ZNF324: variants seen among roughly 807,000 people sequenced by gnomAD.
The protein encoded by ZNF324 is zinc finger protein 324A.
A neutral mutation model predicts 10.3 loss-of-function variants in ZNF324; 3 were observed. The ratio of observed to expected loss-of-function variants is 0.29; its 90% CI spans 0.13 to 0.75. The LOEUF is 0.75. Ranked by LOEUF, ZNF324 falls within the 30% of genes least tolerant of loss-of-function variation. ZNF324 has a pLI of 0.69. For synonymous variants in ZNF324, 430 were observed against 339.5 expected (o/e 1.27, Z -2.93); for missense variants, 763 against 784.4 (o/e 0.97, Z 0.33).
rs1313986943 is a variant in ZNF324, at chr19:58,472,430, A to C, written c.*276A>C. The C allele has an allele frequency of 2.0e-6, 1 of 490,608 alleles. No individual in the cohort carries two copies. The allele number at this position is 490,608 out of a possible 1,614,324, so 30.4% of individuals were successfully genotyped here. A position where few individuals can be genotyped will look rare whatever the true frequency, so the allele number is the denominator to read the frequency against. ...GCCGAGACTATTCAGAGCCAGTAGG[A>C]GGCCGACAGTCACAGCACTGCACTG... On this transcript the variant is annotated 3_prime_UTR_variant, in exon 4 of 4. Coordinates refer to ENST00000196482, the MANE Select transcript of ZNF324 (RefSeq NM_014347.3).
rs139655493 is a variant in ZNF324 at position 58,472,462 on chromosome 19, G to A, written c.*308G>A. The A allele has an allele frequency of 3.7e-3, 1,430 of 383,214 alleles. 7 individuals carry two copies. The highest frequency in any genetic ancestry group is 5.7e-3 in the Non-Finnish European group (1,212 of 212,076). The allele number at this position is 383,214 out of a possible 1,614,324, so 23.7% of individuals were successfully genotyped here. A position where few individuals can be genotyped will look rare whatever the true frequency, so the allele number is the denominator to read the frequency against. On this transcript the variant is annotated 3_prime_UTR_variant, in exon 4 of 4. Coordinates refer to ENST00000196482, the MANE Select transcript of ZNF324 (RefSeq NM_014347.3). ...CAGTCACAGCACTGCACTGTGGTGC[G>A]GCTTCATGTGATATGACAGTGGATG...
At chr19:58,470,691 A>G (rs2053021470) in intron 3 of ZNF324, 40 bp from the exon 4 acceptor site, 1 of 1,612,836 alleles carries the variant, frequency 6.2e-7, no homozygotes, top group African/African-American at 1.3e-5. Context: ...TCCTCTCCTA[A>G]CCAGGATGCC....
At chr19:58,470,682 C>A in intron 3 of ZNF324, 49 bp from the exon 4 acceptor site, 1 of 1,611,108 alleles carries the variant, frequency 6.2e-7, no homozygotes. Context: ...CTGCCCTGGT[C>A]CTCTCCTAAC....
chr19:58,470,615 C>T lies in ZNF324; in HGVS notation c.239-116C>T, dbSNP rs1205735415. 3.0e-6 allele frequency: 4 copies of T among 1,346,958 alleles called. No homozygotes were observed. The East Asian group carries it at 9.2e-5, about 31-fold the overall frequency. The allele number at this position is 1,346,958 out of a possible 1,614,324, so 83.4% of individuals were successfully genotyped here. Reference sequence around the variant, plus strand: ...TCCTGCAGGGCCAGCCTCACCTCTACTTTTCCCCTAAGCTTTTGTGCCAGC... The same window carrying T: ...TCCTGCAGGGCCAGCCTCACCTCTATTTTTCCCCTAAGCTTTTGTGCCAGC... On this transcript the variant is annotated intron_variant, in intron 3 of 3. Coordinates refer to ENST00000196482, the MANE Select transcript of ZNF324 (RefSeq NM_014347.3).
At chr19:58,470,046 A>T (rs1046404869) in intron 3 of ZNF324, among the ~76,000 whole-genome samples, 1 of 151,418 alleles carries the variant, frequency 6.6e-6, no homozygotes, top group Non-Finnish European at 1.5e-5. Flanking sequence ...CGGGGTTGAC[A>T]CAGAAGGGCA....
rs1422169419 is a variant in ZNF324, at chr19:58,472,716, G to A, written c.*562G>A. ...GCCGCCACCTCTGGGAAAGAGAAAA[G>A]GTTTGGGTCCACTGAACATCATGTT... On this transcript the variant is annotated 3_prime_UTR_variant, in exon 4 of 4. Transcript: ENST00000196482. 2 of 153,370 alleles carry A rather than the reference G, an allele frequency of 1.3e-5. No individual in the cohort carries two copies. The highest frequency in any genetic ancestry group is 4.8e-5 in the African/African-American group (2 of 41,490). The allele number at this position is 153,370 out of a possible 1,614,324, so 9.5% of individuals were successfully genotyped here. A position where few individuals can be genotyped will look rare whatever the true frequency, so the allele number is the denominator to read the frequency against.
chr19:58,468,237 A>G (rs1326558243), intron 1 of ZNF324: 22 of 985,282 alleles, frequency 2.2e-5, no homozygotes, highest in Non-Finnish European at 2.7e-5. Flanking sequence ...GGCTGTGGAC[A>G]GGGCCTATGA....
Position 58,471,897 on chromosome 19 carries a change from C to G in ZNF324, c.1405C>G (p.Leu469Val), listed in dbSNP as rs773332765. The G allele has an allele frequency of 6.2e-7, 1 of 1,610,996 alleles. No homozygotes were observed. The highest frequency in any genetic ancestry group is 1.7e-5 in the Admixed American group (1 of 59,944). The change falls in exon 4 of 4, where the codon CTC (leucine) becomes GTC (valine). Residue 469 changes from leucine (L) to valine (V), a missense_variant. Transcript: ENST00000196482. ...GGCCTTCGCCAAGGGCGCCGTGCTGCTCAGCCACCGGCGCATTCACACGGG... is the reference window on the plus strand; with the variant it reads ...GGCCTTCGCCAAGGGCGCCGTGCTGGTCAGCCACCGGCGCATTCACACGGG... ...GKAFAKGAVL[L>V]SHRRIHTGEK...
chr19:58,468,281 G>C (rs1490627448), intron 1 of ZNF324: 2 of 980,680 alleles, frequency 2.0e-6, no homozygotes, highest in Non-Finnish European at 2.4e-6. Flanking sequence ...ACTCAGCCAG[G>C]TGTGGGCAGT....
rs1644922156 is a variant in ZNF324, at chr19:58,471,592, G to A, written c.1100G>A (p.Arg367His). The change falls in exon 4 of 4, where the codon CGT becomes CAT. Residue 367 changes from arginine (R) to histidine (H), a missense_variant. Around this residue, in one of 3 missense-constraint regions of ZNF324, gnomAD observed 153 missense variants for 269.0 expected, o/e 0.57. Transcript: ENST00000196482. ...SQHRKIHAGG[R>H]PYACAQCGRR... Reference sequence around the variant, plus strand: ...CACCGCAAGATCCACGCGGGTGGGCGTCCTTATGCTTGCGCACAGTGTGGC... The same window carrying A: ...CACCGCAAGATCCACGCGGGTGGGCATCCTTATGCTTGCGCACAGTGTGGC... 2 of 1,597,200 alleles carry A rather than the reference G, an allele frequency of 1.3e-6. No individual in the cohort carries two copies. Among genetic ancestry groups the A allele is most frequent in the Non-Finnish European group, 1.7e-6 (2 of 1,171,454 alleles).
intron 1 of ZNF324, chr19:58,467,691 G>A (rs2052994319): frequency 6.6e-6 from 1 of 152,154 alleles, no homozygotes; most frequent in Admixed American, 6.5e-5. Flanking sequence ...AGGGGGCTGA[G>A]GTCCCGAAGG....
Position 58,474,748 on chromosome 19 carries a change from AG to A in ZNF324, c.*2598del, listed in dbSNP as rs1387560985. The A allele has an allele frequency of 6.6e-6, 1 of 152,252 alleles. No individual in the cohort carries two copies. Among genetic ancestry groups the A allele is most frequent in the Non-Finnish European group, 1.5e-5 (1 of 68,060 alleles). 9.4% of individuals were successfully genotyped at this position (152,252 alleles called of 1,614,324 possible). ...GCTCAGAAATCCACTGAAACCACAG[AG>A]GGGAGTATTTAAAACACATAACCCA... On this transcript the variant is annotated 3_prime_UTR_variant, in exon 4 of 4. Transcript: ENST00000196482.
chr19:58,467,652 C>T (rs1470357965), intron 1 of ZNF324: 1 of 152,196 alleles, frequency 6.6e-6, no homozygotes, highest in African/African-American at 2.4e-5. Context: ...GCGTCCAGGG[C>T]ACTGGTGAGC....
intron 2 of ZNF324, 43 bp downstream of exon 2, chr19:58,469,349 G>C: frequency 6.2e-7 from 1 of 1,604,494 alleles, no homozygotes; most frequent in Non-Finnish European, 8.5e-7. Flanking sequence ...CTGATAACAA[G>C]CTGACTGGCC....
In ZNF324 at chr19:58,475,233, T is replaced by TA. The variant is rs2053070812; in HGVS notation, c.*3079_*3080insA. The TA allele has an allele frequency of 6.6e-6, 1 of 152,124 alleles. No individual in the cohort carries two copies. The highest frequency in any genetic ancestry group is 6.5e-5 in the Admixed American group (1 of 15,274). The allele number at this position is 152,124 out of a possible 1,614,324, so 9.4% of individuals were successfully genotyped here. A position where few individuals can be genotyped will look rare whatever the true frequency, so the allele number is the denominator to read the frequency against. ...TTCATCCAGAGCAGGCAGCAGGGAT[T>TA]CCCAGGTATCCAAAGAAACCAAAAC... On this transcript the variant is annotated 3_prime_UTR_variant, in exon 4 of 4. Coordinates refer to ENST00000196482, the MANE Select transcript of ZNF324 (RefSeq NM_014347.3).
intron 1 of ZNF324, among the ~76,000 whole-genome samples, 188 bp from the exon 2 acceptor site, chr19:58,468,992 C>G (rs977351895): frequency 2.6e-5 from 4 of 152,174 alleles, no homozygotes; most frequent in African/African-American, 9.7e-5. Flanking sequence ...AAAACAAGTT[C>G]GTGAACTTTC....
At position 58,471,460 on chromosome 19, in the gene ZNF324, G is replaced by A. The variant is rs1324633854; in HGVS notation, c.968G>A (p.Arg323Gln). ...TGCCCCGTGTGCGGCAAGGCCTTCC[G>A]GCATAGCTCCTCGCTGGTGCGGCAC... ...YACPVCGKAF[R>Q]HSSSLVRHQR... The change falls in exon 4 of 4, where the codon CGG (arginine) becomes CAG (glutamine). Residue 323 changes from arginine (R) to glutamine (Q), a missense_variant. By Grantham distance (43) the Arg-to-Gln change is conservative (BLOSUM62 1). Coordinates refer to ENST00000196482, the MANE Select transcript of ZNF324 (RefSeq NM_014347.3). The A allele has an allele frequency of 3.1e-6, 5 of 1,600,468 alleles. No individual in the cohort carries two copies. Among genetic ancestry groups the A allele is most frequent in the Non-Finnish European group, 4.3e-6 (5 of 1,171,998 alleles).
Position 58,471,869 on chromosome 19 carries a change from C to T in ZNF324, c.1377C>T (p.Gly459=). 6.2e-7 allele frequency: 1 copy of T among 1,612,334 alleles called. No individual in the cohort carries two copies. ...GERPFRCVDC[G]KAFAKGAVLL... is the part of the protein sequence containing the mutation. ...GGCCCTTCCGCTGCGTGGACTGTGG[C>T]AAGGCCTTCGCCAAGGGCGCCGTGC... The change falls in exon 4 of 4, where the codon GGC becomes GGT. Residue 459 remains glycine (G), a synonymous_variant. Coordinates refer to ENST00000196482, the MANE Select transcript of ZNF324 (RefSeq NM_014347.3).
At chr19:58,470,646 G>A in intron 3 of ZNF324, 85 bp from the exon 4 acceptor site, 1 of 1,550,646 alleles carries the variant, frequency 6.4e-7, no homozygotes, top group South Asian at 1.1e-5. Context: ...CCAGCTCCGG[G>A]GTTCCTTCTT....
Sources: gnomAD v4.1 joint callset for allele counts (sites outside exome capture counted in the v4.1 genomes callset) on GRCh38, gnomAD v4.1.1 for gene constraint, gnomAD v4.1.1 regional missense constraint, MANE v1.5 for transcripts, NCBI Gene and HGNC (gene_info 2026-07-23, HGNC 2026-07-21) for gene names.